PPARGC1B: variants seen among roughly 807,000 people sequenced by gnomAD.
PPARGC1B encodes the protein peroxisome proliferator-activated receptor gamma coactivator 1-beta.
In PPARGC1B, 34 loss-of-function variants were observed where a neutral mutation model predicts 101.6. The ratio of observed to expected loss-of-function variants is 0.33; its 90% CI spans 0.25 to 0.45. PPARGC1B has a LOEUF of 0.45. Among genes scored for constraint, PPARGC1B ranks in the 20% least tolerant of loss-of-function variants. The pLI is 1.00. For missense variants in PPARGC1B, 1,234 were observed against 1,317.6 expected (o/e 0.94, Z 0.98); for synonymous variants, 548 against 539.3 (o/e 1.02, Z -0.22).
Position 149,852,195 on chromosome 5 carries a change from A to G in PPARGC1B, c.*4637A>G, listed in dbSNP as rs1304024682. 1 of 152,226 alleles carries G rather than the reference A, an allele frequency of 6.6e-6. No homozygotes were observed. 9.4% of individuals were successfully genotyped at this position (152,226 alleles called of 1,614,324 possible). A position where few individuals can be genotyped will look rare whatever the true frequency, so the allele number is the denominator to read the frequency against. On this transcript the variant is annotated 3_prime_UTR_variant, in exon 12 of 12. Coordinates refer to ENST00000309241, the MANE Select transcript of PPARGC1B (RefSeq NM_133263.4). ...GATGAAAACAGCCCAGCTGAGTGAAATGAGTTTGTAGAGTAAGTCACTTAA... is the reference window on the plus strand; with the variant it reads ...GATGAAAACAGCCCAGCTGAGTGAAGTGAGTTTGTAGAGTAAGTCACTTAA...
chr5:149,821,119 GGCATTTATTGAGCA>G (rs1758279989), intron 2 of PPARGC1B, among the ~76,000 whole-genome samples: 1 of 152,206 alleles, frequency 6.6e-6, no homozygotes, highest in Admixed American at 6.5e-5. Flanking sequence ...TGAGATGACT[GGCATTTATTGAGCA>G]GCTGTTCTGT....
intron 1 of PPARGC1B, among the ~76,000 whole-genome samples, chr5:149,758,477 T>C (rs1039448107): frequency 3.2e-4 from 49 of 152,380 alleles, no homozygotes; most frequent in African/African-American, 1.2e-3. Context: ...ATTATGATTG[T>C]GTGTTTCACT....
intron 11 of PPARGC1B, chr5:149,846,505 G>A (rs1759564585): frequency 6.4e-6 from 1 of 155,216 alleles, no homozygotes. Context: ...ATGGTGGCTT[G>A]CGCCTATAGT....
intron 6 of PPARGC1B, 92 bp downstream of exon 6, chr5:149,834,802 C>T (rs1005024605): frequency 8.5e-6 from 10 of 1,181,414 alleles, no homozygotes; most frequent in Non-Finnish European, 1.1e-5. Context: ...CATCAGCGCC[C>T]ACCCCTGGCC....
intron 1 of PPARGC1B, among the ~76,000 whole-genome samples, chr5:149,786,303 C>G (rs1216083435): frequency 6.6e-6 from 1 of 152,180 alleles, no homozygotes; most frequent in African/African-American, 2.4e-5. Flanking sequence ...ATCACGTTGG[C>G]CAGGCTGGTC....
In PPARGC1B at chr5:149,765,906, G is replaced by A. The variant is rs555460572; in HGVS notation, c.78+35486G>A. On this transcript the variant is annotated intron_variant, in intron 1 of 11. Coordinates refer to ENST00000309241, the MANE Select transcript of PPARGC1B (RefSeq NM_133263.4). ...AATGGAGATAATAAAGCCCCAATCT[G>A]TGAGATTGTTTTAGGATTAAATTAG... is the stretch of plus-strand genomic sequence containing the variant. 5.3e-5 allele frequency among the ~76,000 whole-genome samples: 8 copies of A among 151,418 alleles called. No homozygotes were observed. The South Asian group carries it at 1.5e-3, about 28-fold the overall frequency.
intron 1 of PPARGC1B, among the ~76,000 whole-genome samples, chr5:149,771,307 G>A (rs1358670054): frequency 6.6e-6 from 1 of 152,216 alleles, no homozygotes; most frequent in East Asian, 1.9e-4. Context: ...ACCTGCATAG[G>A]CCCCTGGAAG....
rs567689924 is a variant in PPARGC1B, at chr5:149,752,065, A to G, written c.78+21645A>G. ...TTGCTACTTCCCTGTGCATGTGCCT[A>G]CCACAGCTGCTGATATTGCTGCCTG... On this transcript the variant is annotated intron_variant, in intron 1 of 11. Coordinates refer to ENST00000309241, the MANE Select transcript of PPARGC1B (RefSeq NM_133263.4). Among the ~76,000 whole-genome samples, 20 of 152,344 alleles carry G rather than the reference A, an allele frequency of 1.3e-4. No individual in the cohort carries two copies. In the South Asian group the frequency reaches 3.7e-3, roughly 28 times the overall value.
chr5:149,777,636 G>A (rs538989293), intron 1 of PPARGC1B, among the ~76,000 whole-genome samples: 1 of 152,232 alleles, frequency 6.6e-6, no homozygotes, highest in Admixed American at 6.5e-5. Flanking sequence ...GGTCTCCTAA[G>A]GAAACTGCCG....
In PPARGC1B at chr5:149,756,175, T is replaced by C. The variant is rs189623243; in HGVS notation, c.78+25755T>C. On this transcript the variant is annotated intron_variant, in intron 1 of 11. Coordinates refer to ENST00000309241, the MANE Select transcript of PPARGC1B (RefSeq NM_133263.4). The stretch of plus-strand genomic sequence containing the variant: ...ACTTAATAAATATGCTATTTAAAAA[T>C]TCTTGACAGGGTGTGGAGGCTCACA... Among the ~76,000 whole-genome samples, 33 of 152,238 alleles carry C rather than the reference T, an allele frequency of 2.2e-4. No individual in the cohort carries two copies. In the East Asian group the frequency reaches 6.4e-3, roughly 29 times the overall value.
At chr5:149,840,263 G>A in intron 9 of PPARGC1B, 147 bp downstream of exon 9, 1 of 674,790 alleles carries the variant, frequency 1.5e-6, no homozygotes, top group Non-Finnish European at 2.5e-6. Context: ...TATGGCAACA[G>A]CAGACAATGA....
In PPARGC1B at chr5:149,854,245, T is replaced by C. The variant is rs972064049; in HGVS notation, c.*6687T>C. The C allele has an allele frequency of 1.3e-5, 2 of 152,290 alleles. No homozygotes were observed. Among genetic ancestry groups the C allele is most frequent in the Middle Eastern group, 3.4e-3 (1 of 294 alleles). 9.4% of individuals were successfully genotyped at this position (152,290 alleles called of 1,614,324 possible). On this transcript the variant is annotated 3_prime_UTR_variant, in exon 12 of 12. Transcript: ENST00000309241. The stretch of plus-strand genomic sequence containing the variant: ...GAGGTTTTGTCATCCCCGGGGGTAC[T>C]ACTGTAGGGGGCATTATTTATTAGG...
At position 149,837,432 on chromosome 5, in the gene PPARGC1B, T is replaced by C. The variant is rs970447762; in HGVS notation, c.2618+359T>C. On this transcript the variant is annotated intron_variant, in intron 8 of 11. Coordinates refer to ENST00000309241, the MANE Select transcript of PPARGC1B (RefSeq NM_133263.4). The surrounding 1 kb of genome is among the most constrained non-coding windows in gnomAD (Gnocchi z 4.2). ...TGTTTGTAAAATGGATAAGTTTTTG[T>C]GCAAACATACCTGCCCCAACAGTTT... 2.6e-5 allele frequency among the ~76,000 whole-genome samples: 4 copies of C among 152,260 alleles called. No homozygotes were observed. Among genetic ancestry groups the C allele is most frequent in the Admixed American group, 2.6e-4 (4 of 15,288 alleles).
rs935667085 is a variant in PPARGC1B at position 149,832,181 on chromosome 5, C to T, written c.583-475C>T. Among the ~76,000 whole-genome samples the T allele has an allele frequency of 3.3e-5, 5 of 152,154 alleles. No homozygotes were observed. The highest frequency in any genetic ancestry group is 2.1e-4 in the South Asian group (1 of 4,836). On this transcript the variant is annotated intron_variant, in intron 4 of 11. Coordinates refer to ENST00000309241, the MANE Select transcript of PPARGC1B (RefSeq NM_133263.4). This position sits in a 1 kb window ranked among gnomAD's most constrained non-coding sequence, Gnocchi z 4.9. ...AAAATTAGCCGGGTGTGGTGATGCA[C>T]GCCTGTAATCCCAACTACTCGGGAG...
At position 149,833,037 on chromosome 5, in the gene PPARGC1B, C is replaced by A; in HGVS notation, c.964C>A (p.Gln322Lys). 1 of 1,613,802 alleles carries A rather than the reference C, an allele frequency of 6.2e-7. No homozygotes were observed. Among genetic ancestry groups the A allele is most frequent in the African/African-American group, 1.3e-5 (1 of 75,062 alleles). Residue 322 changes from glutamine to lysine, a missense_variant, in exon 5 of 12, where the codon CAG becomes AAG. By Grantham distance (53) the Gln-to-Lys change is moderately conservative. Transcript: ENST00000309241. This position sits in a 1 kb window ranked among gnomAD's most constrained non-coding sequence, Gnocchi z 4.1. Reference sequence around the variant, plus strand: ...CAAGGCCTGCAGCAACCCCTCCCAGCAGGTCAGATCCCGGCCCTGGTCCCG... The same window carrying A: ...CAAGGCCTGCAGCAACCCCTCCCAGAAGGTCAGATCCCGGCCCTGGTCCCG... ...LPKACSNPSQ[Q>K]VRSRPWSRHH...
intron 1 of PPARGC1B, among the ~76,000 whole-genome samples, chr5:149,787,852 C>T (rs1756870014): frequency 6.6e-6 from 1 of 152,170 alleles, no homozygotes; most frequent in Admixed American, 6.5e-5. Context: ...GTTTGGTCAC[C>T]TACCATCTGC....
At position 149,832,603 on chromosome 5, in the gene PPARGC1B, A is replaced by G. The variant is rs1376335195; in HGVS notation, c.583-53A>G. On this transcript the variant is annotated intron_variant, in intron 4 of 11. Coordinates refer to ENST00000309241, the MANE Select transcript of PPARGC1B (RefSeq NM_133263.4). The surrounding 1 kb of genome is among the most constrained non-coding windows in gnomAD (Gnocchi z 4.9). Reference sequence around the variant, plus strand: ...GCCAGTGACCATGCGGATGAGACACATGGGAGGAGTGTTTGGGCCTCCTTC... The same window carrying G: ...GCCAGTGACCATGCGGATGAGACACGTGGGAGGAGTGTTTGGGCCTCCTTC... 1 of 1,406,622 alleles carries G rather than the reference A, an allele frequency of 7.1e-7. No homozygotes were observed. Among genetic ancestry groups the G allele is most frequent in the Admixed American group, 2.3e-5 (1 of 44,096 alleles). 87.1% of individuals were successfully genotyped at this position (1,406,622 alleles called of 1,614,324 possible).
chr5:149,772,090 T>A, intron 1 of PPARGC1B: 1 of 1,579,822 alleles, frequency 6.3e-7, no homozygotes, highest in South Asian at 1.2e-5. Flanking sequence ...TGCTCTGATC[T>A]GGGTTGGGGC....
At chr5:149,740,557 C>G (rs1754874298) in intron 1 of PPARGC1B, among the ~76,000 whole-genome samples, 1 of 152,186 alleles carries the variant, frequency 6.6e-6, no homozygotes, top group South Asian at 2.1e-4. Context: ...GAAACCACTT[C>G]TAGTGAGATG....
Sources: gnomAD v4.1 joint callset for allele counts (sites outside exome capture counted in the v4.1 genomes callset) on GRCh38, gnomAD v4.1.1 for gene constraint, Gnocchi (gnomAD v3.1) non-coding constraint, MANE v1.5 for transcripts, NCBI Gene and HGNC (gene_info 2026-07-23, HGNC 2026-07-21) for gene names.